NCKAP5: variants seen among roughly 807,000 people sequenced by gnomAD.
The protein encoded by NCKAP5 is nck-associated protein 5.
A neutral mutation model predicts 167.0 loss-of-function variants in NCKAP5; 92 were observed. That is an observed-to-expected ratio of 0.55 (90% confidence interval 0.47 to 0.66). The LOEUF (loss-of-function observed/expected upper bound fraction) is 0.66. NCKAP5 is among the 30% of genes least tolerant of loss of function. The probability of loss-of-function intolerance (pLI) is 0.00; values close to 1 mark genes in which losing one functional copy is unlikely to be tolerated. For synonymous variants in NCKAP5, 891 were observed against 877.4 expected (o/e 1.02, Z -0.27); for missense variants, 2,378 against 2,315.0 (o/e 1.03, Z -0.56).
chr2:133,491,087 C>T (rs958288867), intron 3 of NCKAP5, among the ~76,000 whole-genome samples: 8 of 152,142 alleles, frequency 5.3e-5, no homozygotes, highest in Admixed American at 2.0e-4. Context: ...ATCTCACATT[C>T]ATCTATGAGT....
At chr2:133,440,615 CAGGGG>C (rs1690774887) in intron 3 of NCKAP5, among the ~76,000 whole-genome samples, 1 of 140,764 alleles carries the variant, frequency 7.1e-6, no homozygotes, top group Admixed American at 8.0e-5. Context: ...GAGGCTGAGG[CAGGGG>C]AATGGTGTGA....
At chr2:133,177,164 C>CTATATATATATATATA (rs61395261) in intron 5 of NCKAP5, among the ~76,000 whole-genome samples, 1,788 of 138,324 alleles carry the variant, frequency 0.013, 14 homozygotes, top group African/African-American at 0.027. Flanking sequence ...GTTTTGTTTT[C>CTATATATATATATATA]TATATATATA....
chr2:132,993,863 T>G lies in NCKAP5; in HGVS notation c.429+289A>C, dbSNP rs866961419. Among the ~76,000 whole-genome samples the G allele has an allele frequency of 1.1e-4, 17 of 152,374 alleles. No individual in the cohort carries two copies. In the East Asian group the frequency reaches 1.7e-3, roughly 16 times the overall value. On this transcript the variant is annotated intron_variant, in intron 7 of 19. Transcript: ENST00000409261. ...GTTGTACACACCTCTCTTTTAGTCC[T>G]GGCCACAGAGTACTGCAATGCCTAT...
At chr2:132,729,205 G>A (rs1690753020) in intron 17 of NCKAP5, among the ~76,000 whole-genome samples, 1 of 152,146 alleles carries the variant, frequency 6.6e-6, no homozygotes, top group Admixed American at 6.5e-5. Context: ...TCTACAAAAT[G>A]TTGAAAGACT....
intron 8 of NCKAP5, among the ~76,000 whole-genome samples, chr2:132,941,144 C>T (rs1397667709): frequency 1.3e-5 from 2 of 152,164 alleles, no homozygotes; most frequent in Non-Finnish European, 2.9e-5. Flanking sequence ...TGTTAATACC[C>T]AGTCTAGAGC....
At chr2:133,523,131 CAGTT>C (rs1684611378) in intron 2 of NCKAP5, among the ~76,000 whole-genome samples, 1 of 150,164 alleles carries the variant, frequency 6.7e-6, no homozygotes, top group Non-Finnish European at 1.5e-5. Flanking sequence ...TTTTTTCTCA[CAGTT>C]AGTAATGGCC....
At chr2:133,508,922 TAA>T (rs1329950398) in intron 3 of NCKAP5, among the ~76,000 whole-genome samples, 2 of 152,374 alleles carry the variant, frequency 1.3e-5, no homozygotes, top group East Asian at 3.9e-4. Context: ...ATAGCATTTA[TAA>T]AAGGCTTTCA....
At chr2:133,097,458 G>A (rs1436347310) in intron 6 of NCKAP5, among the ~76,000 whole-genome samples, 1 of 152,068 alleles carries the variant, frequency 6.6e-6, no homozygotes, top group Non-Finnish European at 1.5e-5. Flanking sequence ...AGTTTCTTTG[G>A]CTTGTGATTT....
At chr2:133,225,112 A>C (rs2086824805) in intron 4 of NCKAP5, among the ~76,000 whole-genome samples, 1 of 152,176 alleles carries the variant, frequency 6.6e-6, no homozygotes. Context: ...GTTATGTCTG[A>C]CAATTAAGAC....
rs1338889705 is a variant in NCKAP5 at position 132,731,876 on chromosome 2, G to A, written c.5304C>T (p.Thr1768=). 9.9e-6 allele frequency: 16 copies of A among 1,613,794 alleles called. No individual in the cohort carries two copies. Among genetic ancestry groups the A allele is most frequent in the Non-Finnish European group, 1.4e-5 (16 of 1,179,896 alleles). The change falls in exon 17 of 20, where the codon ACC becomes ACT. Residue 1768 remains threonine, a synonymous_variant. Transcript: ENST00000409261. ...LSAVSSMRAQ[T]LEREVPSSTD... ...TGGAGGAAGGCACTTCACGTTCAAG[G>A]GTTTGGGCTCTCATGGAAGAAACTG...
intron 4 of NCKAP5, among the ~76,000 whole-genome samples, chr2:133,256,940 A>G (rs1188869454): frequency 6.6e-6 from 1 of 152,158 alleles, no homozygotes; most frequent in African/African-American, 2.4e-5. Context: ...TGGACACATC[A>G]TAATTTTCCC....
At chr2:133,617,647 T>C in the NCKAP5 span, among the ~76,000 whole-genome samples, 1 of 148,490 alleles carries the variant, frequency 6.7e-6, no homozygotes, top group Non-Finnish European at 1.5e-5. Context: ...CTCAAGGAAA[T>C]AAAAGAGGAT....
At chr2:133,561,178 C>G (rs1688129125) in intron 1 of NCKAP5, among the ~76,000 whole-genome samples, 1 of 152,196 alleles carries the variant, frequency 6.6e-6, no homozygotes, top group African/African-American at 2.4e-5. Context: ...ACAAGAGCTT[C>G]TTTAACAGGG....
At chr2:133,174,716 C>CT (rs1553563113) in intron 5 of NCKAP5, among the ~76,000 whole-genome samples, 1 of 126,296 alleles carries the variant, frequency 7.9e-6, no homozygotes, top group Non-Finnish European at 1.9e-5. Context: ...TTTTTTTTTT[C>CT]TCCCCCCTGC....
At chr2:133,120,783 C>T (rs932928505) in intron 6 of NCKAP5, among the ~76,000 whole-genome samples, 1 of 152,142 alleles carries the variant, frequency 6.6e-6, no homozygotes, top group Non-Finnish European at 1.5e-5. Flanking sequence ...TGACTATTAT[C>T]AAAACTTTAA....
intron 3 of NCKAP5, among the ~76,000 whole-genome samples, chr2:133,397,531 C>T (rs1687807724): frequency 6.6e-6 from 1 of 152,186 alleles, no homozygotes; most frequent in African/African-American, 2.4e-5. Flanking sequence ...CCACTGTCTA[C>T]TACCATATGC....
intron 11 of NCKAP5, among the ~76,000 whole-genome samples, chr2:132,858,887 C>T (rs1291803849): frequency 6.6e-6 from 1 of 152,102 alleles, no homozygotes; most frequent in Non-Finnish European, 1.5e-5. Flanking sequence ...GATCACAATT[C>T]ATAAACAGGG....
intron 6 of NCKAP5, chr2:133,123,683 A>C: frequency 2.2e-6 from 1 of 444,866 alleles, no homozygotes; most frequent in Admixed American, 2.4e-5. Flanking sequence ...GAGACAGGTC[A>C]AAGTTGACGA....
chr2:132,711,991 G>A (rs1282846784), intron 19 of NCKAP5, among the ~76,000 whole-genome samples: 1 of 152,200 alleles, frequency 6.6e-6, no homozygotes, highest in Admixed American at 6.5e-5. Context: ...AAGGCTGCAG[G>A]ACAGACTCAG....
Sources: allele counts gnomAD v4.1 joint callset (sites outside exome capture counted in the v4.1 genomes callset), GRCh38; gene constraint gnomAD v4.1.1; transcripts MANE v1.5; gene names NCBI Gene and HGNC (gene_info 2026-07-23, HGNC 2026-07-21).